The following RPL22 variants were observed in gnomAD, a reference collection of about 807,000 sequenced individuals.
RPL22 encodes ribosomal protein L22.
A neutral mutation model predicts 16.2 loss-of-function variants in RPL22; 4 were observed. That is an observed-to-expected ratio of 0.25 (90% CI 0.12 to 0.57). The LOEUF is 0.57. Among genes scored for constraint, RPL22 ranks in the 20% least tolerant of loss-of-function variants. The probability of loss-of-function intolerance (pLI) is 0.92; values close to 1 mark genes in which losing one functional copy is unlikely to be tolerated. For missense variants in RPL22, 83 were observed against 156.1 expected (o/e 0.53, Z 2.49); for synonymous variants, 43 against 54.8 (o/e 0.78, Z 0.95).
chr1:6,196,247 G>A (rs1469017489), intron 2 of RPL22, among the ~76,000 whole-genome samples: 2 of 152,142 alleles, frequency 1.3e-5, no homozygotes, highest in Non-Finnish European at 2.9e-5. Context: ...TGGGCTGAGG[G>A]AATGGCTCAG....
chr1:6,195,986 C>G (rs1175583452), intron 2 of RPL22, among the ~76,000 whole-genome samples: 1 of 151,964 alleles, frequency 6.6e-6, no homozygotes, highest in Non-Finnish European at 1.5e-5. Flanking sequence ...TGGCTTGAAC[C>G]AGGGAAACGG....
In RPL22 at chr1:6,197,667, C is replaced by T; in HGVS notation, c.102G>A (p.Met34Ile). The change falls in exon 2 of 4, where the codon ATG becomes ATA. Residue 34 changes from methionine (M) to isoleucine (I), a missense_variant. Physicochemically the swap from Met to Ile is conservative, Grantham distance 10. Transcript: ENST00000234875. The stretch of plus-strand genomic sequence containing the variant: ...TGTAACTTACAAAATTGGCAGCATC[C>T]ATGATTCCATCTTCTACAGGGTGGG... ...DCTHPVEDGI[M>I]DAANFEQFLQ... 6.2e-7 allele frequency: 1 copy of T among 1,612,296 alleles called. No homozygotes were observed. The highest frequency in any genetic ancestry group is 8.5e-7 in the Non-Finnish European group (1 of 1,178,792).
intron 3 of RPL22, among the ~76,000 whole-genome samples, chr1:6,192,286 A>G (rs1174890274): frequency 6.6e-6 from 1 of 152,188 alleles, no homozygotes; most frequent in Non-Finnish European, 1.5e-5. Flanking sequence ...GGCTCAAGCA[A>G]TACTCCTGTA....
chr1:6,193,372 T>C (rs1164411150), intron 2 of RPL22, among the ~76,000 whole-genome samples: 1 of 151,296 alleles, frequency 6.6e-6, no homozygotes, highest in East Asian at 1.9e-4. Context: ...TTGCCCAGGC[T>C]GGAGTGCAAT....
chr1:6,190,365 T>G lies in RPL22; in HGVS notation c.242+2565A>C, dbSNP rs76076480. On this transcript the variant is annotated intron_variant, in intron 3 of 3. Coordinates refer to ENST00000234875, the MANE Select transcript of RPL22 (RefSeq NM_000983.4). ...CCTTAAAATTTCCCACCACTTGATT[T>G]AGTATGTTGGTTTTCTTTTGTTTGT... is the stretch of plus-strand genomic sequence containing the variant. Among the ~76,000 whole-genome samples the G allele has an allele frequency of 9.8e-5, 15 of 152,310 alleles. No homozygotes were observed. In the East Asian group the frequency reaches 2.9e-3, roughly 29 times the overall value.
chr1:6,195,654 A>G (rs1667706609), intron 2 of RPL22, among the ~76,000 whole-genome samples: 1 of 151,108 alleles, frequency 6.6e-6, no homozygotes, highest in South Asian at 2.1e-4. Context: ...CGGGAGGCTG[A>G]GAAAGAGAAT....
In RPL22 at chr1:6,185,755, T is replaced by A. The variant is rs10260; in HGVS notation, c.*917A>T. The A allele has an allele frequency of 0.057, 13,731 of 239,982 alleles. 624 individuals carry two copies. The highest frequency in any genetic ancestry group is 0.18 in the East Asian group (2,960 of 16,738). 14.9% of individuals were successfully genotyped at this position (239,982 alleles called of 1,614,324 possible). A position where few individuals can be genotyped will look rare whatever the true frequency, so the allele number is the denominator to read the frequency against. The stretch of plus-strand genomic sequence containing the variant: ...GGTAGCCCCTTTCAGTTGTCTAGCC[T>A]CTGCACTGTGGCACACCACTGACAT... On this transcript the variant is annotated 3_prime_UTR_variant, in exon 4 of 4. Coordinates refer to ENST00000234875, the MANE Select transcript of RPL22 (RefSeq NM_000983.4).
rs922316887 is a variant in RPL22 at position 6,199,488 on chromosome 1, C to T, written c.12+74G>A. 6.5e-6 allele frequency: 10 copies of T among 1,539,352 alleles called. No individual in the cohort carries two copies. In the East Asian group the frequency reaches 2.2e-4, roughly 34 times the overall value. ...CTGCAGGGCGCCGTCCCCAGCGAGC[C>T]TGGGTAGATGCCGGGCTCGGCGAGG... On this transcript the variant is annotated intron_variant, in intron 1 of 3. Coordinates refer to ENST00000234875, the MANE Select transcript of RPL22 (RefSeq NM_000983.4).
At chr1:6,189,165 G>A (rs1375817481) in intron 3 of RPL22, among the ~76,000 whole-genome samples, 2 of 126,650 alleles carry the variant, frequency 1.6e-5, no homozygotes, top group Admixed American at 8.3e-5. Flanking sequence ...CACTGTGACA[G>A]TGCTCCACAC....
chr1:6,197,623 A>G, intron 2 of RPL22, 29 bp downstream of exon 2: 1 of 1,457,064 alleles, frequency 6.9e-7, no homozygotes, highest in Non-Finnish European at 9.6e-7. Flanking sequence ...GTTCGTGACC[A>G]CCCGAGTGGC....
chr1:6,192,248 T>C (rs560896146), intron 3 of RPL22, among the ~76,000 whole-genome samples: 74 of 152,254 alleles, frequency 4.9e-4, no homozygotes, highest in African/African-American at 1.7e-3. Context: ...GGTCTCACTA[T>C]GTTGCCCAGG....
chr1:6,185,480 A>T lies in RPL22; in HGVS notation c.*1192T>A. 2.5e-6 allele frequency: 1 copy of T among 397,852 alleles called. No individual in the cohort carries two copies. Among genetic ancestry groups the T allele is most frequent in the East Asian group, 3.6e-5 (1 of 28,044 alleles). The allele number at this position is 397,852 out of a possible 1,614,324, so 24.6% of individuals were successfully genotyped here. On this transcript the variant is annotated 3_prime_UTR_variant, in exon 4 of 4. Transcript: ENST00000234875. ...CCTCAACACGTTCAACTCAATCCAC[A>T]GAGCACCAAATGTTTAATGGGAGCC...
intron 2 of RPL22, among the ~76,000 whole-genome samples, chr1:6,196,044 C>T (rs1053364924): frequency 6.6e-6 from 1 of 152,082 alleles, no homozygotes; most frequent in Non-Finnish European, 1.5e-5. Flanking sequence ...GCCTGGGCAA[C>T]AAGAGCAAAA....
In RPL22 at chr1:6,199,299, G is replaced by A. The variant is rs978711043; in HGVS notation, c.12+263C>T. The A allele has an allele frequency of 7.5e-6, 7 of 931,354 alleles. No individual in the cohort carries two copies. The African/African-American group carries it at 1.0e-4, about 14-fold the overall frequency. The allele number at this position is 931,354 out of a possible 1,614,324, so 57.7% of individuals were successfully genotyped here. On this transcript the variant is annotated intron_variant, in intron 1 of 3. Coordinates refer to ENST00000234875, the MANE Select transcript of RPL22 (RefSeq NM_000983.4). ...TGGCCGGCCCAGACCGCAGTCTCCA[G>A]GCTCCAGCTCCCCGCTAGCCCCTAG...
In RPL22 at chr1:6,186,609, C is replaced by T; in HGVS notation, c.*63G>A. ...CACACTGCAGAGATACAAGGATAAA[C>T]CACCATTTTGGTTCCCAAGTTTTAT... On this transcript the variant is annotated 3_prime_UTR_variant, in exon 4 of 4. Transcript: ENST00000234875. 6.1e-6 allele frequency: 7 copies of T among 1,140,074 alleles called. No individual in the cohort carries two copies. The highest frequency in any genetic ancestry group is 8.6e-6 in the Non-Finnish European group (7 of 813,644). 70.6% of individuals were successfully genotyped at this position (1,140,074 alleles called of 1,614,324 possible).
intron 2 of RPL22, among the ~76,000 whole-genome samples, chr1:6,195,515 C>T (rs143537820): frequency 2.0e-5 from 3 of 151,714 alleles, no homozygotes; most frequent in East Asian, 1.9e-4. Context: ...TTTGGGAGGC[C>T]GAGGCTGGCA....
Position 6,185,204 on chromosome 1 carries a change from C to T in RPL22, c.*1468G>A, listed in dbSNP as rs1279415556. ...ACTTCAGCCCAGGGTTTTTTCACAA[C>T]CAAACTAAAAATGACTTACTACATG... On this transcript the variant is annotated 3_prime_UTR_variant, in exon 4 of 4. Transcript: ENST00000234875. 5.0e-6 allele frequency: 2 copies of T among 397,196 alleles called. No homozygotes were observed. Among genetic ancestry groups the T allele is most frequent in the African/African-American group, 4.1e-5 (2 of 48,552 alleles). 24.6% of individuals were successfully genotyped at this position (397,196 alleles called of 1,614,324 possible).
Position 6,186,773 on chromosome 1 carries a change from G to T in RPL22, c.286C>A (p.Leu96Ile). 1 of 1,612,442 alleles carries T rather than the reference G, an allele frequency of 6.2e-7. No individual in the cohort carries two copies. Among genetic ancestry groups the T allele is most frequent in the Non-Finnish European group, 8.5e-7 (1 of 1,179,480 alleles). The change falls in exon 4 of 4, where the codon CTA becomes ATA. Residue 96 changes from leucine (L) to isoleucine (I), a missense_variant. Leu to Ile is a conservative substitution (Grantham distance 5, BLOSUM62 2). Transcript: ENST00000234875. ...LTKKYLKKNN[L>I]RDWLRVVANS... ...GCAACTACGCGCAACCAGTCACGTA[G>T]ATTATTCTTCTTCAAATATTTTTTG...
rs777599959 is a variant in RPL22, at chr1:6,186,205, AAAGT to A, written c.*463_*466del. On this transcript the variant is annotated 3_prime_UTR_variant, in exon 4 of 4. Coordinates refer to ENST00000234875, the MANE Select transcript of RPL22 (RefSeq NM_000983.4). ...AAGAGAAATTTGTAATCAAAAAATG[AAAGT>A]AAGACGAATGGCCCAGAAACCCGCA... 3 of 236,622 alleles carry A rather than the reference AAAGT, an allele frequency of 1.3e-5. No individual in the cohort carries two copies. The highest frequency in any genetic ancestry group is 1.8e-4 in the South Asian group (1 of 5,704). The allele number at this position is 236,622 out of a possible 1,614,324, so 14.7% of individuals were successfully genotyped here. A position where few individuals can be genotyped will look rare whatever the true frequency, so the allele number is the denominator to read the frequency against.
Sources: allele counts gnomAD v4.1 joint callset (sites outside exome capture counted in the v4.1 genomes callset), GRCh38; gene constraint gnomAD v4.1.1; transcripts MANE v1.5; gene names NCBI Gene and HGNC (gene_info 2026-07-23, HGNC 2026-07-21).